Variants in SUMF1 observed in about 807,000 individuals in gnomAD.
SUMF1 encodes the protein formylglycine-generating enzyme.
Under a neutral mutation model 47.6 loss-of-function variants are expected in SUMF1, and 48 were observed. The ratio of observed to expected loss-of-function variants is 1.01; its 90% CI spans 0.80 to 1.28. The LOEUF (loss-of-function observed/expected upper bound fraction) is 1.28, where lower values mean the gene tolerates loss of function less well. SUMF1 is among the 50% of genes most tolerant of loss of function. The pLI, the probability that SUMF1 is intolerant of heterozygous loss-of-function variation, is 0.00. For missense variants in SUMF1, 571 were observed against 485.4 expected (o/e 1.18, Z -1.66); for synonymous variants, 230 against 192.1 (o/e 1.20, Z -1.63).
At chr3:4,426,681 G>A (rs185030491) in intron 3 of SUMF1, among the ~76,000 whole-genome samples, 1 of 152,348 alleles carries the variant, frequency 6.6e-6, no homozygotes, top group African/African-American at 2.4e-5. Context: ...GTTGTTTACA[G>A]AGCAGAAGCA....
rs1056120253 is a variant in SUMF1, at chr3:4,453,127, C to T, written c.271-78G>A. On this transcript the variant is annotated intron_variant, in intron 1 of 8. Coordinates refer to ENST00000272902, the MANE Select transcript of SUMF1 (RefSeq NM_182760.4). Reference sequence around the variant, plus strand: ...TGTGTAGGGGTAAAGTTCCTAGCACCCAGGAAGCACGCAAGTTTGTAAATC... The same window carrying T: ...TGTGTAGGGGTAAAGTTCCTAGCACTCAGGAAGCACGCAAGTTTGTAAATC... 2.8e-6 allele frequency: 4 copies of T among 1,435,692 alleles called. No homozygotes were observed. The Admixed American group carries it at 5.8e-5, about 21-fold the overall frequency. The allele number at this position is 1,435,692 out of a possible 1,614,324, so 88.9% of individuals were successfully genotyped here. A position where few individuals can be genotyped will look rare whatever the true frequency, so the allele number is the denominator to read the frequency against.
chr3:4,409,542 C>G (rs1003496692), intron 7 of SUMF1, among the ~76,000 whole-genome samples: 1 of 152,216 alleles, frequency 6.6e-6, no homozygotes, highest in Non-Finnish European at 1.5e-5. Flanking sequence ...TGTGCACCCC[C>G]TTCCAAGCAT....
intron 9 of SUMF1, among the ~76,000 whole-genome samples, chr3:4,045,978 G>C (rs1694999094): frequency 6.6e-6 from 1 of 152,160 alleles, no homozygotes; most frequent in Non-Finnish European, 1.5e-5. Context: ...TTGAGGCCAA[G>C]AGTCTGAGGC....
intron 3 of SUMF1, among the ~76,000 whole-genome samples, chr3:4,420,764 G>C (rs1185661186): frequency 1.3e-5 from 2 of 152,156 alleles, no homozygotes; most frequent in Non-Finnish European, 2.9e-5. Context: ...GAGACAGGTA[G>C]TGCTGCTCCT....
chr3:4,331,030 A>C (rs1011973595), intron 8 of SUMF1, among the ~76,000 whole-genome samples: 2 of 152,216 alleles, frequency 1.3e-5, no homozygotes, highest in African/African-American at 4.8e-5. Flanking sequence ...AAAAGTAAAT[A>C]ATCATTTTAA....
At chr3:4,256,300 C>T (rs1696952239) in intron 8 of SUMF1, among the ~76,000 whole-genome samples, 1 of 98,476 alleles carries the variant, frequency 1.0e-5, no homozygotes, top group Admixed American at 9.6e-5. Flanking sequence ...ACACAAAAAA[C>T]CCTTCAAAAA....
chr3:4,354,743 G>A (rs767511954), intron 8 of SUMF1, among the ~76,000 whole-genome samples: 3 of 152,098 alleles, frequency 2.0e-5, no homozygotes, highest in Non-Finnish European at 4.4e-5. Context: ...CTCCATGGCT[G>A]CCCAGGACCA....
intron 3 of SUMF1, among the ~76,000 whole-genome samples, chr3:4,424,363 C>T (rs557802454): frequency 1.2e-4 from 19 of 152,256 alleles, no homozygotes; most frequent in Middle Eastern, 3.4e-3. Context: ...AAACACACTA[C>T]TTACTTAACG....
chr3:4,273,097 T>C (rs1283294199), intron 8 of SUMF1, among the ~76,000 whole-genome samples: 11 of 148,824 alleles, frequency 7.4e-5, no homozygotes, highest in African/African-American at 1.2e-4. Context: ...TATACACACA[T>C]ATATATATAC....
intron 1 of SUMF1, among the ~76,000 whole-genome samples, chr3:4,465,760 C>T (rs1454362746): frequency 6.6e-6 from 1 of 152,214 alleles, no homozygotes; most frequent in Non-Finnish European, 1.5e-5. Flanking sequence ...CCCCATCACC[C>T]TCACAGTCCA....
At chr3:4,214,355 C>T (rs1695869352) in intron 8 of SUMF1, among the ~76,000 whole-genome samples, 1 of 152,082 alleles carries the variant, frequency 6.6e-6, no homozygotes. Context: ...TTCTTTGAAA[C>T]CAATGAGAAT....
chr3:4,422,231 T>G (rs1170008496), intron 3 of SUMF1, among the ~76,000 whole-genome samples: 1 of 152,114 alleles, frequency 6.6e-6, no homozygotes, highest in Non-Finnish European at 1.5e-5. Flanking sequence ...GACAGGTAAT[T>G]CATTCAGTGT....
chr3:4,060,001 T>C (rs1292477301), intron 9 of SUMF1, among the ~76,000 whole-genome samples: 1 of 152,048 alleles, frequency 6.6e-6, no homozygotes, highest in Non-Finnish European at 1.5e-5. Context: ...GGGCTACGGA[T>C]GAGCTGAGAT....
chr3:4,354,523 T>C (rs1208041418), intron 8 of SUMF1, among the ~76,000 whole-genome samples: 2 of 152,222 alleles, frequency 1.3e-5, no homozygotes, highest in African/African-American at 4.8e-5. Context: ...CAGGTCTCAC[T>C]TTCCCCTTCC....
At chr3:4,217,299 A>C (rs748334385) in intron 8 of SUMF1, among the ~76,000 whole-genome samples, 11 of 150,036 alleles carry the variant, frequency 7.3e-5, no homozygotes, top group Non-Finnish European at 1.6e-4. Context: ...TCACTCATAA[A>C]TGGGAGTTGA....
At chr3:4,226,264 C>CTTTTTTTTTTTTT (rs869300368) in intron 8 of SUMF1, among the ~76,000 whole-genome samples, 3 of 86,988 alleles carry the variant, frequency 3.4e-5, no homozygotes, top group Admixed American at 1.6e-4. Flanking sequence ...TTTTTTGTTT[C>CTTTTTTTTTTTTT]TTTTTTTTTT....
At chr3:4,416,928 A>C (rs1021719023) in intron 6 of SUMF1, among the ~76,000 whole-genome samples, 200 bp downstream of exon 6, 3 of 152,252 alleles carry the variant, frequency 2.0e-5, no homozygotes, top group Non-Finnish European at 4.4e-5. Context: ...TACAGTAAGT[A>C]TTATGGAATC....
chr3:4,086,480 C>T (rs572919801), intron 8 of SUMF1, among the ~76,000 whole-genome samples: 3 of 151,960 alleles, frequency 2.0e-5, no homozygotes, highest in Non-Finnish European at 2.9e-5. Flanking sequence ...GTCTCATGCC[C>T]GATCTGTCAT....
At chr3:4,367,305 C>A (rs927006394) in intron 8 of SUMF1, among the ~76,000 whole-genome samples, 2 of 152,188 alleles carry the variant, frequency 1.3e-5, no homozygotes, top group Non-Finnish European at 2.9e-5. Flanking sequence ...TTTTGTTTGT[C>A]TGTGCCCTGC....
Sources: allele counts gnomAD v4.1 joint callset (sites outside exome capture counted in the v4.1 genomes callset), GRCh38; gene constraint gnomAD v4.1.1; transcripts MANE v1.5; gene names NCBI Gene and HGNC (gene_info 2026-07-23, HGNC 2026-07-21).